Variants in DYNC1H1 observed in about 807,000 individuals in gnomAD.
DYNC1H1 encodes the protein cytoplasmic dynein 1 heavy chain 1.
Under a neutral mutation model 527.1 loss-of-function variants are expected in DYNC1H1, and 51 were observed. The observed-to-expected ratio is 0.10, with a 90% confidence interval of 0.08 to 0.12. The LOEUF is 0.12. Among genes scored for constraint, DYNC1H1 ranks in the 10% least tolerant of loss-of-function variants. DYNC1H1 has a pLI of 1.00. For synonymous variants in DYNC1H1, 2,189 were observed against 2,278.8 expected (o/e 0.96, Z 1.12); for missense variants, 2,771 against 5,971.8 (o/e 0.46, Z 17.66).
In DYNC1H1 at chr14:102,056,214, T is replaced by A. The variant is rs1263195753; in HGVS notation, c.*5651T>A. 1 of 152,238 alleles carries A rather than the reference T, an allele frequency of 6.6e-6. No homozygotes were observed. The highest frequency in any genetic ancestry group is 1.5e-5 in the Non-Finnish European group (1 of 68,054). 9.4% of individuals were successfully genotyped at this position (152,238 alleles called of 1,614,324 possible). ...TTACCCATAGATTTCAGGCATTGTA[T>A]GGAAGAACATCGTGAGACTCCCTGC... On this transcript the variant is annotated 3_prime_UTR_variant, in exon 78 of 78. Coordinates refer to ENST00000360184, the MANE Select transcript of DYNC1H1 (RefSeq NM_001376.5).
intron 73 of DYNC1H1, 155 bp downstream of exon 73, chr14:102,048,183 C>A: frequency 9.9e-7 from 1 of 1,011,790 alleles, no homozygotes; most frequent in Non-Finnish European, 1.5e-6. Context: ...TGAGCCCAGG[C>A]ATTGGGCAAG....
At chr14:102,037,322 G>A (rs1351432435) in intron 57 of DYNC1H1, 1 of 151,608 alleles carries the variant, frequency 6.6e-6, no homozygotes, top group Non-Finnish European at 1.5e-5. Context: ...TACTCGGGAG[G>A]CTGAGGCAGG....
Position 102,048,834 on chromosome 14 carries a change from A to G in DYNC1H1, c.13372+165A>G, listed in dbSNP as rs1004904. 104,848 of 572,946 alleles carry G rather than the reference A, an allele frequency of 0.18. 20,692 individuals are homozygous for G. Among genetic ancestry groups the G allele is most frequent in the African/African-American group, 0.7 (31,202 of 44,800 alleles). The allele number at this position is 572,946 out of a possible 1,614,324, so 35.5% of individuals were successfully genotyped here. On this transcript the variant is annotated intron_variant, in intron 74 of 77. Transcript: ENST00000360184. The stretch of plus-strand genomic sequence containing the variant: ...TCAAGGTGGGCGGGGGGAGGGGAGG[A>G]GCTTAGAAATGCTGAAGAATTTGTT...
Position 102,016,335 on chromosome 14 carries a change from T to G in DYNC1H1, c.7474-14T>G, listed in dbSNP as rs372970675. Reference sequence around the variant, plus strand: ...AATTTTATAAAAATCAAAGTTTAATTCCCTTTTTAATAGCGATATCTGGTT... The same window carrying G: ...AATTTTATAAAAATCAAAGTTTAATGCCCTTTTTAATAGCGATATCTGGTT... On this transcript the variant is annotated splice_polypyrimidine_tract_variant and intron_variant, in intron 36 of 77. Coordinates refer to ENST00000360184, the MANE Select transcript of DYNC1H1 (RefSeq NM_001376.5). This position sits in a 1 kb window ranked among gnomAD's most constrained non-coding sequence, Gnocchi z 7.3. 2 of 1,614,046 alleles carry G rather than the reference T, an allele frequency of 1.2e-6. No individual in the cohort carries two copies. The highest frequency in any genetic ancestry group is 2.7e-5 in the African/African-American group (2 of 74,908).
At chr14:101,977,140 T>C (rs1365649612) in intron 2 of DYNC1H1, among the ~76,000 whole-genome samples, 1 of 152,246 alleles carries the variant, frequency 6.6e-6, no homozygotes, top group Non-Finnish European at 1.5e-5. Flanking sequence ...TGATTCTTTT[T>C]AGGATAAATT....
At position 102,002,368 on chromosome 14, in the gene DYNC1H1, C is replaced by T. The variant is rs1346921084; in HGVS notation, c.4543-169C>T. Among the ~76,000 whole-genome samples the T allele has an allele frequency of 6.6e-5, 10 of 152,164 alleles. No homozygotes were observed. The highest frequency in any genetic ancestry group is 1.3e-4 in the Non-Finnish European group (9 of 68,042). Reference sequence around the variant, plus strand: ...TCAAGTGATCCACCCGCCTCGGCCTCCCAAAATGCTGGGATTACAGGCGTG... The same window carrying T: ...TCAAGTGATCCACCCGCCTCGGCCTTCCAAAATGCTGGGATTACAGGCGTG... On this transcript the variant is annotated intron_variant, in intron 21 of 77. Coordinates refer to ENST00000360184, the MANE Select transcript of DYNC1H1 (RefSeq NM_001376.5). The surrounding 1 kb of genome is among the most constrained non-coding windows in gnomAD (Gnocchi z 4.4).
At chr14:101,982,145 G>A (rs145825703) in intron 5 of DYNC1H1, among the ~76,000 whole-genome samples, 4 of 152,140 alleles carry the variant, frequency 2.6e-5, no homozygotes, top group Non-Finnish European at 5.9e-5. Context: ...CTGCGCACGC[G>A]AGGGATGTAG....
In DYNC1H1 at chr14:102,010,482, A is replaced by G; in HGVS notation, c.6405+23A>G. 2 of 1,613,110 alleles carry G rather than the reference A, an allele frequency of 1.2e-6. No homozygotes were observed. The highest frequency in any genetic ancestry group is 1.7e-6 in the Non-Finnish European group (2 of 1,179,396). ...GAGGTTCGTTACAAACGTTTTGATC[A>G]CTCAAACCTTATACGTTATTTAAAT... On this transcript the variant is annotated intron_variant, in intron 31 of 77. Coordinates refer to ENST00000360184, the MANE Select transcript of DYNC1H1 (RefSeq NM_001376.5). The surrounding 1 kb of genome is among the most constrained non-coding windows in gnomAD (Gnocchi z 6.0).
At chr14:101,982,047 C>T (rs913446521) in intron 5 of DYNC1H1, among the ~76,000 whole-genome samples, 9 of 152,202 alleles carry the variant, frequency 5.9e-5, no homozygotes, top group African/African-American at 2.2e-4. Context: ...AGGCCAGCAG[C>T]GGCGAGTGAG....
chr14:101,982,916 G>T, intron 5 of DYNC1H1, 103 bp from the exon 6 acceptor site: 1 of 1,363,586 alleles, frequency 7.3e-7, no homozygotes, highest in Non-Finnish European at 1.0e-6. Context: ...TGTCTCGCTA[G>T]ATATTTTGCA....
At chr14:101,988,660 C>G (rs1289174045) in intron 9 of DYNC1H1, 43 bp from the exon 10 acceptor site, 1 of 1,613,648 alleles carries the variant, frequency 6.2e-7, no homozygotes, top group Non-Finnish European at 8.5e-7. Context: ...TGTGAGCTAA[C>G]TTTTAGAAGA....
chr14:102,034,561 G>A, intron 56 of DYNC1H1, 109 bp downstream of exon 56: 2 of 1,573,320 alleles, frequency 1.3e-6, no homozygotes, highest in Admixed American at 1.7e-5. Context: ...ATGGGGCGTG[G>A]GCATACAGTG....
chr14:102,010,706 C>T lies in DYNC1H1; in HGVS notation c.6406-34C>T. The T allele has an allele frequency of 6.2e-7, 1 of 1,610,462 alleles. No homozygotes were observed. The highest frequency in any genetic ancestry group is 1.1e-5 in the South Asian group (1 of 90,948). ...TGCAGCGGGCAGTACTTGAGCCATG[C>T]TGCGCTGCTCACAGCCCAGCCCTCT... On this transcript the variant is annotated intron_variant, in intron 31 of 77. Transcript: ENST00000360184. This position sits in a 1 kb window ranked among gnomAD's most constrained non-coding sequence, Gnocchi z 6.0.
chr14:102,005,086 C>G lies in DYNC1H1; in HGVS notation c.5283C>G (p.Asn1761Lys), dbSNP rs1057523440. 1 of 1,614,072 alleles carries G rather than the reference C, an allele frequency of 6.2e-7. No homozygotes were observed. The highest frequency in any genetic ancestry group is 1.7e-5 in the Admixed American group (1 of 60,000). The change falls in exon 26 of 78, where the codon AAC becomes AAG. Residue 1761 changes from asparagine (N) to lysine (K), a missense_variant. Physicochemically the swap from Asn to Lys is moderately conservative, Grantham distance 94. This residue lies in a region of DYNC1H1 where 105 missense variants were observed against 138.1 expected (regional missense o/e 0.76). Coordinates refer to ENST00000360184, the MANE Select transcript of DYNC1H1 (RefSeq NM_001376.5). This position sits in a 1 kb window ranked among gnomAD's most constrained non-coding sequence, Gnocchi z 4.0. ...VLSAQIAWSE[N>K]VETALSSMGG... ...CAGCCCAGATAGCCTGGTCTGAGAA[C>G]GTGGAGACCGCACTGAGCAGCATGG...
At chr14:101,992,615 C>G (rs956776288) in intron 11 of DYNC1H1, among the ~76,000 whole-genome samples, 4 of 152,266 alleles carry the variant, frequency 2.6e-5, no homozygotes, top group Admixed American at 1.3e-4. Context: ...CTTTCAGCAC[C>G]TAAACGGGAC....
chr14:101,965,194 G>A lies in DYNC1H1; in HGVS notation c.256+247G>A, dbSNP rs915491131. Among the ~76,000 whole-genome samples, 2 of 152,022 alleles carry A rather than the reference G, an allele frequency of 1.3e-5. No homozygotes were observed. Among genetic ancestry groups the A allele is most frequent in the South Asian group, 4.1e-4 (2 of 4,830 alleles). ...CGCCACACCCACTGCCCGGCCCGGAGCCCCCAGGGCGCCCCGCTCCTGGTC... is the reference window on the plus strand; with the variant it reads ...CGCCACACCCACTGCCCGGCCCGGAACCCCCAGGGCGCCCCGCTCCTGGTC... On this transcript the variant is annotated intron_variant, in intron 1 of 77. Coordinates refer to ENST00000360184, the MANE Select transcript of DYNC1H1 (RefSeq NM_001376.5). The surrounding 1 kb of genome is among the most constrained non-coding windows in gnomAD (Gnocchi z 4.1).
chr14:102,019,777 A>G, intron 41 of DYNC1H1, 116 bp from the exon 42 acceptor site: 1 of 1,343,996 alleles, frequency 7.4e-7, no homozygotes, highest in Non-Finnish European at 1.0e-6. Context: ...ATCTTCTTAA[A>G]TATTTCAGGG....
Position 101,979,785 on chromosome 14 carries a change from C to T in DYNC1H1, c.585C>T (p.His195=), listed in dbSNP as rs144882836. The T allele has an allele frequency of 5.0e-6, 8 of 1,614,186 alleles. No homozygotes were observed. The African/African-American group carries it at 9.3e-5, about 19-fold the overall frequency. Residue 195 remains histidine, a synonymous_variant, in exon 4 of 78, where the codon CAC becomes CAT. Coordinates refer to ENST00000360184, the MANE Select transcript of DYNC1H1 (RefSeq NM_001376.5). This position sits in a 1 kb window ranked among gnomAD's most constrained non-coding sequence, Gnocchi z 4.6. ...KIAELEMGLL[H]LQQNIEIPEI... is the part of the protein sequence containing the mutation. The stretch of plus-strand genomic sequence containing the variant: ...CAGAACTCGAAATGGGACTCCTTCA[C>T]TTGCAGCAAAATATTGAAATTCCGG...
At position 102,012,811 on chromosome 14, in the gene DYNC1H1, G is replaced by C. The variant is rs1256176631; in HGVS notation, c.7014+341G>C. 2.7e-6 allele frequency: 1 copy of C among 374,420 alleles called. No homozygotes were observed. Among genetic ancestry groups the C allele is most frequent in the Non-Finnish European group, 5.1e-6 (1 of 196,526 alleles). The allele number at this position is 374,420 out of a possible 1,614,324, so 23.2% of individuals were successfully genotyped here. A position where few individuals can be genotyped will look rare whatever the true frequency, so the allele number is the denominator to read the frequency against. On this transcript the variant is annotated intron_variant, in intron 34 of 77. Coordinates refer to ENST00000360184, the MANE Select transcript of DYNC1H1 (RefSeq NM_001376.5). The surrounding 1 kb of genome is among the most constrained non-coding windows in gnomAD (Gnocchi z 4.9). ...GCTGGGAAAATGAGAAATTTGGAAT[G>C]GGGCTTTCTAGGCTGTCCCTTGGAA... is the stretch of plus-strand genomic sequence containing the variant.
Sources: gnomAD v4.1 joint callset for allele counts (sites outside exome capture counted in the v4.1 genomes callset) on GRCh38, gnomAD v4.1.1 for gene constraint, gnomAD v4.1.1 regional missense constraint, Gnocchi (gnomAD v3.1) non-coding constraint, MANE v1.5 for transcripts, NCBI Gene and HGNC (gene_info 2026-07-23, HGNC 2026-07-21) for gene names.